The following MAN2A1 variants were observed in gnomAD, a reference collection of about 807,000 sequenced individuals.
The protein encoded by MAN2A1 is alpha-mannosidase 2.
Under a neutral mutation model 142.6 loss-of-function variants are expected in MAN2A1, and 76 were observed. That is an observed-to-expected ratio of 0.53 (90% CI 0.44 to 0.65). MAN2A1 has a LOEUF of 0.65. Among genes scored for constraint, MAN2A1 ranks in the 30% least tolerant of loss-of-function variants. The pLI, the probability that MAN2A1 is intolerant of heterozygous loss-of-function variation, is 0.00. For synonymous variants in MAN2A1, 559 were observed against 473.2 expected, an observed-to-expected ratio of 1.18 and a Z score of -2.35; for missense variants, 1,311 against 1,365.1, an observed-to-expected ratio of 0.96 and a Z score of 0.62.
chr5:109,791,620 A>G (rs1041825461), intron 12 of MAN2A1, among the ~76,000 whole-genome samples: 1 of 151,842 alleles, frequency 6.6e-6, no homozygotes, highest in Middle Eastern at 3.4e-3. Flanking sequence ...TAAACCATGC[A>G]TTCTCGATGG....
chr5:109,815,333 G>T (rs961532819), intron 12 of MAN2A1, among the ~76,000 whole-genome samples: 2 of 152,090 alleles, frequency 1.3e-5, no homozygotes, highest in Non-Finnish European at 1.5e-5. Flanking sequence ...ACCCTCCCTC[G>T]CCTTGAGAAT....
chr5:109,853,664 T>G (rs1755537850), intron 19 of MAN2A1: 1 of 152,168 alleles, frequency 6.6e-6, no homozygotes, highest in Non-Finnish European at 1.5e-5. Context: ...ATCTTTTATG[T>G]TTTATTACTC....
intron 9 of MAN2A1, among the ~76,000 whole-genome samples, chr5:109,783,457 G>A (rs1405551103): frequency 1.3e-5 from 2 of 152,066 alleles, no homozygotes; most frequent in East Asian, 1.9e-4. Flanking sequence ...ATGGATATAC[G>A]TTAACATAGA....
intron 17 of MAN2A1, 101 bp from the exon 18 acceptor site, chr5:109,845,764 T>C: frequency 1.2e-6 from 1 of 822,470 alleles, no homozygotes. Context: ...AAAAGGAAGC[T>C]TTGTCTTTTT....
chr5:109,757,935 C>T (rs1473584956), intron 5 of MAN2A1, among the ~76,000 whole-genome samples: 1 of 152,088 alleles, frequency 6.6e-6, no homozygotes, highest in Non-Finnish European at 1.5e-5. Flanking sequence ...TTGTTTATCC[C>T]TTATTCAGTT....
At chr5:109,792,075 A>G (rs1280462854) in intron 12 of MAN2A1, among the ~76,000 whole-genome samples, 2 of 152,096 alleles carry the variant, frequency 1.3e-5, no homozygotes, top group African/African-American at 4.8e-5. Flanking sequence ...CAACTAAGAT[A>G]TAAAAAGAAA....
At position 109,721,147 on chromosome 5, in the gene MAN2A1, G is replaced by A. The variant is rs190897524; in HGVS notation, c.535+4883G>A. 4.1e-4 allele frequency among the ~76,000 whole-genome samples: 63 copies of A among 152,306 alleles called. 1 individual carries two copies. Among genetic ancestry groups the A allele is most frequent in the Middle Eastern group, 6.8e-3 (2 of 294 alleles). ...GTGAGGGCAGCGAGGCTAAGTTAGG[G>A]TAATTTGTTCAAAGTCAGTTAATTT... is the stretch of plus-strand genomic sequence containing the variant. On this transcript the variant is annotated intron_variant, in intron 3 of 21. Transcript: ENST00000261483.
chr5:109,759,947 C>G (rs1179694732), intron 5 of MAN2A1, among the ~76,000 whole-genome samples: 3 of 104,182 alleles, frequency 2.9e-5, no homozygotes, highest in African/African-American at 9.3e-5. Flanking sequence ...TGAATTGTTG[C>G]TATATATATA....
At chr5:109,780,534 GTGTGTGTGTGTGTGTA>G (rs1753428130) in intron 8 of MAN2A1, among the ~76,000 whole-genome samples, 1 of 151,468 alleles carries the variant, frequency 6.6e-6, no homozygotes, top group African/African-American at 2.4e-5. Context: ...GTGTGTGTGT[GTGTGTGTGTGTGTGTA>G]TGTGTGTAGG....
intron 12 of MAN2A1, among the ~76,000 whole-genome samples, chr5:109,797,718 A>G (rs1426178877): frequency 6.6e-6 from 1 of 152,172 alleles, no homozygotes; most frequent in Non-Finnish European, 1.5e-5. Context: ...TGGGTAATAA[A>G]AATGAAAAAA....
chr5:109,866,931 C>G lies in MAN2A1; in HGVS notation c.3368C>G (p.Thr1123Ser), dbSNP rs1755898512. 6.2e-7 allele frequency: 1 copy of G among 1,613,004 alleles called. No homozygotes were observed. The highest frequency in any genetic ancestry group is 1.3e-5 in the African/African-American group (1 of 74,872). The change falls in exon 22 of 22, where the codon ACT becomes AGT. Residue 1123 changes from threonine to serine, a missense_variant. This residue lies in a region of MAN2A1 where 890 missense variants were observed against 920.5 expected (regional missense o/e 0.97). Coordinates refer to ENST00000261483, the MANE Select transcript of MAN2A1 (RefSeq NM_002372.4). ...SLSLMHSPPG[T>S]QNISEINLSP... ...TCCTTGATGCATTCACCTCCCGGCACTCAGAATATAAGTGAGATCAACTTG... is the reference window on the plus strand; with the variant it reads ...TCCTTGATGCATTCACCTCCCGGCAGTCAGAATATAAGTGAGATCAACTTG...
intron 8 of MAN2A1, among the ~76,000 whole-genome samples, chr5:109,780,606 G>T (rs190665277): frequency 1.2e-3 from 180 of 151,866 alleles, no homozygotes; most frequent in Middle Eastern, 3.4e-3. Context: ...CACATTCCCT[G>T]TTAAATAATC....
In MAN2A1 at chr5:109,858,439, TA is replaced by T. The variant is rs372380951; in HGVS notation, c.3171+3114del. ...GTCCAGTGTAATTCCATGCTTATAC[TA>T]AAAAAAAAGACCAAAATGACTCAAT... On this transcript the variant is annotated intron_variant, in intron 20 of 21. Transcript: ENST00000261483. 4.3e-3 allele frequency among the ~76,000 whole-genome samples: 648 copies of T among 151,112 alleles called. 3 individuals are homozygous for T. Among genetic ancestry groups the T allele is most frequent in the African/African-American group, 0.015 (601 of 41,204 alleles).
chr5:109,797,561 G>A (rs527902688), intron 12 of MAN2A1, among the ~76,000 whole-genome samples: 6 of 152,218 alleles, frequency 3.9e-5, no homozygotes, highest in African/African-American at 1.4e-4. Flanking sequence ...GAAGGAAGAT[G>A]ATGATCGGTA....
Position 109,746,790 on chromosome 5 carries a change from A to G in MAN2A1, c.708-8539A>G, listed in dbSNP as rs144078119. ...ATTCCCGTTCCTCTTGCTCCTGGCAACCACTGTTCTGTTTTCTGTCTCTAC... is the reference window on the plus strand; with the variant it reads ...ATTCCCGTTCCTCTTGCTCCTGGCAGCCACTGTTCTGTTTTCTGTCTCTAC... On this transcript the variant is annotated intron_variant, in intron 4 of 21. Transcript: ENST00000261483. Among the ~76,000 whole-genome samples the G allele has an allele frequency of 1.6e-3, 247 of 152,080 alleles. 2 individuals are homozygous for G. Among genetic ancestry groups the G allele is most frequent in the African/African-American group, 5.7e-3 (235 of 41,480 alleles).
intron 4 of MAN2A1, among the ~76,000 whole-genome samples, chr5:109,741,598 G>T (rs1752269293): frequency 6.6e-6 from 1 of 152,146 alleles, no homozygotes; most frequent in Non-Finnish European, 1.5e-5. Context: ...AATTCCAGCA[G>T]AGTTCCACGT....
Position 109,869,439 on chromosome 5 carries a change from A to G in MAN2A1, c.*2441A>G, listed in dbSNP as rs1421657478. ...TGTAAAACATTATCATGATCTTCCCATGCCTTTGTTGTACTTGTGCCGAAG... is the reference window on the plus strand; with the variant it reads ...TGTAAAACATTATCATGATCTTCCCGTGCCTTTGTTGTACTTGTGCCGAAG... On this transcript the variant is annotated 3_prime_UTR_variant, in exon 22 of 22. Transcript: ENST00000261483. 1.3e-5 allele frequency: 2 copies of G among 152,148 alleles called. No homozygotes were observed. The highest frequency in any genetic ancestry group is 2.9e-5 in the Non-Finnish European group (2 of 68,034). 9.4% of individuals were successfully genotyped at this position (152,148 alleles called of 1,614,324 possible). A position where few individuals can be genotyped will look rare whatever the true frequency, so the allele number is the denominator to read the frequency against.
intron 1 of MAN2A1, among the ~76,000 whole-genome samples, chr5:109,696,300 C>T (rs1298719562): frequency 1.3e-5 from 2 of 152,066 alleles, no homozygotes; most frequent in Non-Finnish European, 2.9e-5. Flanking sequence ...GGGGTTTCAC[C>T]ATGTTGGCCA....
intron 5 of MAN2A1, among the ~76,000 whole-genome samples, chr5:109,761,197 T>C (rs758947602): frequency 3.3e-5 from 5 of 151,354 alleles, no homozygotes; most frequent in African/African-American, 4.8e-5. Context: ...GAAAATTATC[T>C]TTTTAAATAC....
Sources: allele counts gnomAD v4.1 joint callset (sites outside exome capture counted in the v4.1 genomes callset), GRCh38; gene constraint gnomAD v4.1.1; regional missense constraint gnomAD v4.1.1; transcripts MANE v1.5; gene names NCBI Gene and HGNC (gene_info 2026-07-23, HGNC 2026-07-21).